The following DCTN4 variants were observed in gnomAD, a reference collection of about 807,000 sequenced individuals.
The protein encoded by DCTN4 is dynactin 4 (p62).
Under a neutral mutation model 62.7 loss-of-function variants are expected in DCTN4, and 23 were observed. The ratio of observed to expected loss-of-function variants is 0.37; its 90% CI spans 0.26 to 0.52. DCTN4 has a LOEUF of 0.52. Ranked by LOEUF, DCTN4 falls within the 20% of genes least tolerant of loss-of-function variation. The pLI, the probability that DCTN4 is intolerant of heterozygous loss-of-function variation, is 0.92. For synonymous variants in DCTN4, 199 were observed against 202.1 expected (o/e 0.98, Z 0.13); for missense variants, 514 against 580.4 (o/e 0.89, Z 1.18).
At chr5:150,729,940 C>G (rs57311967) in intron 8 of DCTN4, among the ~76,000 whole-genome samples, 20,667 of 151,968 alleles carry the variant, frequency 0.14, 2,405 homozygotes, top group African/African-American at 0.31. Context: ...TACGTAAACT[C>G]TATACATTGT....
At chr5:150,758,667 G>C in intron 1 of DCTN4, 192 bp downstream of exon 1, 4 of 1,283,380 alleles carry the variant, frequency 3.1e-6, no homozygotes, top group Non-Finnish European at 4.2e-6. Context: ...GATCCGCTCA[G>C]TCCCACCCGA....
At chr5:150,734,954 C>T (rs1760521637) in intron 4 of DCTN4, among the ~76,000 whole-genome samples, 1 of 152,196 alleles carries the variant, frequency 6.6e-6, no homozygotes, top group African/African-American at 2.4e-5. Flanking sequence ...CTGAGAACCA[C>T]ACAACTGTCC....
chr5:150,711,219 C>T lies in DCTN4; in HGVS notation c.1313G>A (p.Ser438Asn), dbSNP rs3733923. 4,710 of 1,612,862 alleles carry T rather than the reference C, an allele frequency of 2.9e-3. 173 individuals carry two copies. In the East Asian group the frequency reaches 0.083, roughly 28 times the overall value. The change falls in exon 13 of 13, where the codon AGT becomes AAT. Residue 438 changes from serine (S) to asparagine (N), a missense_variant. By Grantham distance (46) the Ser-to-Asn change is conservative (BLOSUM62 1). Coordinates refer to ENST00000447998, the MANE Select transcript of DCTN4 (RefSeq NM_016221.4). The stretch of plus-strand genomic sequence containing the variant: ...CCAGATGACTTCTGTTCCCTGGTCA[C>T]TTTCTTCAATGGGGCGAATGGGGGC... ...LAAPIRPIEE[S>N]DQGTEVIWLT... is the part of the protein sequence containing the mutation.
intron 11 of DCTN4, among the ~76,000 whole-genome samples, chr5:150,716,917 C>CAA (rs111440383): frequency 3.6e-4 from 42 of 115,314 alleles, no homozygotes; most frequent in African/African-American, 1.0e-3. Flanking sequence ...GATTCCGTCT[C>CAA]AAAAAAAAAA....
Position 150,731,104 on chromosome 5 carries a change from C to T in DCTN4, c.664G>A (p.Val222Met), listed in dbSNP as rs1760345600. The change falls in exon 7 of 13, where the codon GTG becomes ATG. Residue 222 changes from valine to methionine, a missense_variant. By Grantham distance (21) the Val-to-Met change is conservative. Transcript: ENST00000447998. ...TCAGGTAGAGGTTCCACTTCATCCA[C>T]AGCCTGAGCTGGCTCAATCTTTATC... ...KEIKIEPAQA[V>M]DEVEPLPEDY... 3 of 1,613,424 alleles carry T rather than the reference C, an allele frequency of 1.9e-6. No homozygotes were observed. The highest frequency in any genetic ancestry group is 1.1e-5 in the South Asian group (1 of 91,062).
chr5:150,752,974 C>T (rs959518959), intron 3 of DCTN4, among the ~76,000 whole-genome samples: 1 of 151,938 alleles, frequency 6.6e-6, no homozygotes, highest in African/African-American at 2.4e-5. Context: ...TCACGCCATT[C>T]TCCTGCCTCA....
At chr5:150,739,579 T>A (rs1760699550) in intron 4 of DCTN4, among the ~76,000 whole-genome samples, 1 of 151,712 alleles carries the variant, frequency 6.6e-6, no homozygotes, top group African/African-American at 2.4e-5. Context: ...GTAAAAACAA[T>A]CCTAAAATTC....
chr5:150,731,296 AG>A lies in DCTN4; in HGVS notation c.611+119del, dbSNP rs1561697767. On this transcript the variant is annotated intron_variant, in intron 6 of 12. Transcript: ENST00000447998. ...ATCTGTATAGCGTAGGTCTTTTCTA[AG>A]TATGAGAATCTTCTTTTCCATTGAC... 7 of 1,034,754 alleles carry A rather than the reference AG, an allele frequency of 6.8e-6. No individual in the cohort carries two copies. The East Asian group carries it at 1.7e-4, about 25-fold the overall frequency. 64.1% of individuals were successfully genotyped at this position (1,034,754 alleles called of 1,614,324 possible).
At chr5:150,758,818 C>G in intron 1 of DCTN4, 41 bp downstream of exon 1, 3 of 1,602,700 alleles carry the variant, frequency 1.9e-6, no homozygotes, top group Non-Finnish European at 2.6e-6. Flanking sequence ...AACGCCGCGC[C>G]CCCCCCACCC....
At chr5:150,744,354 G>A (rs1233660978) in intron 3 of DCTN4, among the ~76,000 whole-genome samples, 6 of 151,792 alleles carry the variant, frequency 4.0e-5, no homozygotes, top group African/African-American at 1.5e-4. Context: ...GAACCAAGTT[G>A]GAAAACACTC....
intron 8 of DCTN4, among the ~76,000 whole-genome samples, chr5:150,729,475 C>T (rs528970950): frequency 1.3e-5 from 2 of 152,014 alleles, no homozygotes; most frequent in African/African-American, 4.8e-5. Context: ...ATTCCTCATC[C>T]CTCATTATTT....
intron 8 of DCTN4, among the ~76,000 whole-genome samples, chr5:150,729,216 C>G (rs567740334): frequency 6.6e-6 from 1 of 151,818 alleles, no homozygotes; most frequent in Admixed American, 6.6e-5. Context: ...TTCAATGTTC[C>G]TTTGCCCCTT....
At chr5:150,737,332 T>G (rs754281974) in intron 4 of DCTN4, among the ~76,000 whole-genome samples, 2 of 152,128 alleles carry the variant, frequency 1.3e-5, no homozygotes, top group Non-Finnish European at 2.9e-5. Context: ...CATTAGCACA[T>G]AGAATATTCT....
At chr5:150,728,731 T>A (rs1249846849) in intron 8 of DCTN4, among the ~76,000 whole-genome samples, 2 of 152,214 alleles carry the variant, frequency 1.3e-5, no homozygotes, top group African/African-American at 4.8e-5. Flanking sequence ...TTGTGCTTCT[T>A]GTAATAAGCA....
At chr5:150,756,651 T>TTTC (rs397688319) in intron 1 of DCTN4, among the ~76,000 whole-genome samples, 164 bp from the exon 2 acceptor site, 1 of 141,244 alleles carries the variant, frequency 7.1e-6, no homozygotes, top group African/African-American at 2.7e-5. Flanking sequence ...TTTTTTTTTT[T>TTTC]CTTCTTCTTC....
At chr5:150,749,154 G>A (rs1485568057) in intron 3 of DCTN4, among the ~76,000 whole-genome samples, 1 of 152,110 alleles carries the variant, frequency 6.6e-6, no homozygotes, top group African/African-American at 2.4e-5. Context: ...ACACACTGCT[G>A]AGAAAAGGAA....
In DCTN4 at chr5:150,716,762, G is replaced by A. The variant is rs1354221966; in HGVS notation, c.1072-1100C>T. On this transcript the variant is annotated intron_variant, in intron 11 of 12. Transcript: ENST00000447998. The stretch of plus-strand genomic sequence containing the variant: ...GTGAAACCCCGTCTCTACTAAAACT[G>A]CAAAAAATTAGCCGGGCGTGGTGGC... Among the ~76,000 whole-genome samples, 15 of 151,968 alleles carry A rather than the reference G, an allele frequency of 9.9e-5. No homozygotes were observed. In the East Asian group the frequency reaches 2.1e-3, roughly 22 times the overall value.
intron 1 of DCTN4, chr5:150,758,601 A>C: frequency 8.2e-7 from 1 of 1,222,192 alleles, no homozygotes; most frequent in South Asian, 2.0e-5. Flanking sequence ...CCCATCGCAG[A>C]CAGACACGGT....
At chr5:150,719,506 G>A (rs997133716) in intron 10 of DCTN4, among the ~76,000 whole-genome samples, 3 of 152,162 alleles carry the variant, frequency 2.0e-5, no homozygotes, top group Non-Finnish European at 1.5e-5. Flanking sequence ...AACATAATGT[G>A]CACCCTGCTC....
Sources: gnomAD v4.1 joint callset for allele counts (sites outside exome capture counted in the v4.1 genomes callset) on GRCh38, gnomAD v4.1.1 for gene constraint, MANE v1.5 for transcripts, NCBI Gene and HGNC (gene_info 2026-07-23, HGNC 2026-07-21) for gene names.